PIK3CD: variants seen among roughly 807,000 people sequenced by gnomAD.
PIK3CD encodes phosphatidylinositol-4,5-bisphosphate 3-kinase catalytic subunit delta.
In PIK3CD, 20 loss-of-function variants were observed where a neutral mutation model predicts 122.9. The ratio of observed to expected loss-of-function variants is 0.16; its 90% CI spans 0.11 to 0.24. The LOEUF is 0.24. Among genes scored for constraint, PIK3CD ranks in the 10% least tolerant of loss-of-function variants. PIK3CD has a pLI of 1.00. For missense variants in PIK3CD, 787 were observed against 1,406.3 expected (o/e 0.56, Z 7.04); for synonymous variants, 596 against 593.4 (o/e 1.00, Z -0.06).
chr1:9,716,915 G>T, intron 6 of PIK3CD, 44 bp from the exon 7 acceptor site: 1 of 1,613,014 alleles, frequency 6.2e-7, no homozygotes, highest in Non-Finnish European at 8.5e-7. Context: ...CCAGGGAGTG[G>T]TTGGGGCCGC....
intron 2 of PIK3CD, among the ~76,000 whole-genome samples, chr1:9,692,468 T>G (rs1386550436): frequency 3.9e-5 from 6 of 152,220 alleles, no homozygotes; most frequent in Admixed American, 3.3e-4. Flanking sequence ...GGCTCATGCC[T>G]GTAATCCTAG....
At chr1:9,667,720 A>T (rs1389543142) in intron 1 of PIK3CD, among the ~76,000 whole-genome samples, 1 of 150,208 alleles carries the variant, frequency 6.7e-6, no homozygotes, top group Non-Finnish European at 1.5e-5. Context: ...TATTTAAAAC[A>T]TATCTTTCTT....
In PIK3CD at chr1:9,689,786, G is replaced by C. The variant is rs1192253856; in HGVS notation, c.-137-1681G>C. Among the ~76,000 whole-genome samples, 1 of 151,606 alleles carries C rather than the reference G, an allele frequency of 6.6e-6. No homozygotes were observed. The highest frequency in any genetic ancestry group is 1.5e-5 in the Non-Finnish European group (1 of 67,780). ...TGCCCCGCCCCCAGCCCCGCCGGGC[G>C]TCCCACCCCGCCCAGCCCCGGGCTT... is the stretch of plus-strand genomic sequence containing the variant. On this transcript the variant is annotated intron_variant, in intron 1 of 23. Transcript: ENST00000377346. The surrounding 1 kb of genome is among the most constrained non-coding windows in gnomAD (Gnocchi z 6.1).
upstream of PIK3CD, among the ~76,000 whole-genome samples, chr1:9,648,584 T>G (rs2100651095): frequency 6.6e-6 from 1 of 152,360 alleles, no homozygotes; most frequent in Non-Finnish European, 1.5e-5. Flanking sequence ...GTCTTCTGGC[T>G]CTTGGCATCC....
In PIK3CD at chr1:9,724,831, C is replaced by T. The variant is rs770059791; in HGVS notation, c.2892C>T (p.Tyr964=). 4.3e-6 allele frequency: 7 copies of T among 1,613,584 alleles called. No homozygotes were observed. In the South Asian group the frequency reaches 4.4e-5, roughly 10 times the overall value. The stretch of plus-strand genomic sequence containing the variant: ...TCCGGGGCTACTGTGAAAGGGCCTA[C>T]ACCATCCTGCGGCGCCACGGGCTTC... ...ERFRGYCERA[Y]TILRRHGLLF... is the part of the protein sequence containing the mutation. The change falls in exon 23 of 24, where the codon TAC becomes TAT. Residue 964 remains tyrosine, a synonymous_variant. Transcript: ENST00000377346. The surrounding 1 kb of genome is among the most constrained non-coding windows in gnomAD (Gnocchi z 7.3).
Position 9,729,021 on chromosome 1 carries a change from T to A in PIK3CD, c.*1975T>A, listed in dbSNP as rs1479661531. On this transcript the variant is annotated 3_prime_UTR_variant, in exon 24 of 24. Coordinates refer to ENST00000377346, the MANE Select transcript of PIK3CD (RefSeq NM_005026.5). ...GAGAGAAGACAAACCCCGCTCCGGCTGGAGTTAGTTAGAACCAGAACTTTA... is the reference window on the plus strand; with the variant it reads ...GAGAGAAGACAAACCCCGCTCCGGCAGGAGTTAGTTAGAACCAGAACTTTA... 1 of 152,220 alleles carries A rather than the reference T, an allele frequency of 6.6e-6. No homozygotes were observed. Among genetic ancestry groups the A allele is most frequent in the Non-Finnish European group, 1.5e-5 (1 of 68,042 alleles). The allele number at this position is 152,220 out of a possible 1,614,324, so 9.4% of individuals were successfully genotyped here. A position where few individuals can be genotyped will look rare whatever the true frequency, so the allele number is the denominator to read the frequency against.
Position 9,718,299 on chromosome 1 carries a change from G to A in PIK3CD, c.1021-395G>A, listed in dbSNP as rs143336866. 1.3e-4 allele frequency: 59 copies of A among 458,866 alleles called. 1 individual carries two copies. In the East Asian group the frequency reaches 2.4e-3, roughly 19 times the overall value. The allele number at this position is 458,866 out of a possible 1,614,324, so 28.4% of individuals were successfully genotyped here. ...GTGTCAGGTGGAATTGGAAGGGGCCGGACATCAGGTGGCAGGAAAAGTCCT... is the reference window on the plus strand; with the variant it reads ...GTGTCAGGTGGAATTGGAAGGGGCCAGACATCAGGTGGCAGGAAAAGTCCT... On this transcript the variant is annotated intron_variant, in intron 8 of 23. Coordinates refer to ENST00000377346, the MANE Select transcript of PIK3CD (RefSeq NM_005026.5). The surrounding 1 kb of genome is among the most constrained non-coding windows in gnomAD (Gnocchi z 7.2).
At chr1:9,667,492 T>C (rs2100930553) in intron 1 of PIK3CD, among the ~76,000 whole-genome samples, 1 of 151,938 alleles carries the variant, frequency 6.6e-6, no homozygotes, top group South Asian at 2.1e-4. Context: ...TTCTCCTGCC[T>C]CAGCCTCCCA....
rs1647254955 is a variant in PIK3CD at position 9,715,349 on chromosome 1, C to G, written c.142-192C>G. Among the ~76,000 whole-genome samples the G allele has an allele frequency of 1.3e-5, 2 of 152,180 alleles. No individual in the cohort carries two copies. Among genetic ancestry groups the G allele is most frequent in the African/African-American group, 4.8e-5 (2 of 41,440 alleles). On this transcript the variant is annotated intron_variant, in intron 3 of 23. Coordinates refer to ENST00000377346, the MANE Select transcript of PIK3CD (RefSeq NM_005026.5). The surrounding 1 kb of genome is among the most constrained non-coding windows in gnomAD (Gnocchi z 4.1). ...CCTCCCAGGTGCCCCCACAGAAGGG[C>G]ATCAGTGGAGAAGCCTGTCCACCCA...
intron 2 of PIK3CD, among the ~76,000 whole-genome samples, chr1:9,707,021 C>T (rs1646860274): frequency 6.6e-6 from 1 of 151,118 alleles, no homozygotes; most frequent in South Asian, 2.1e-4. Context: ...CTATGTTGCC[C>T]AGGCTGGTCT....
chr1:9,714,335 T>C (rs1025494889), intron 3 of PIK3CD, among the ~76,000 whole-genome samples: 1 of 152,180 alleles, frequency 6.6e-6, no homozygotes, highest in African/African-American at 2.4e-5. Context: ...CTCTGTTATC[T>C]GTTGCGATGA....
At chr1:9,691,845 C>T (rs1646207767) in intron 2 of PIK3CD, 1 of 307,970 alleles carries the variant, frequency 3.2e-6, no homozygotes, top group Non-Finnish European at 5.9e-6. Context: ...GTCCTGGAGC[C>T]CATTACTAAG....
intron 2 of PIK3CD, among the ~76,000 whole-genome samples, chr1:9,709,772 C>T (rs1422626373): frequency 1.3e-5 from 2 of 152,010 alleles, no homozygotes; most frequent in African/African-American, 2.4e-5. Context: ...TTTGGGAGGC[C>T]GAGGTGGGCG....
intron 1 of PIK3CD, among the ~76,000 whole-genome samples, chr1:9,678,354 G>T (rs1027408869): frequency 1.3e-5 from 2 of 152,042 alleles, no homozygotes; most frequent in African/African-American, 4.8e-5. Context: ...TGCTCGAGAG[G>T]CTGAGGCGGG....
rs1646097147 is a variant in PIK3CD at position 9,689,338 on chromosome 1, G to A, written c.-137-2129G>A. ...TCCTGGGCCTCCGGGCGAGAACAGC[G>A]GGGGTCGGGGAGGATTTGCAGCGTC... On this transcript the variant is annotated intron_variant, in intron 1 of 23. Transcript: ENST00000377346. This position sits in a 1 kb window ranked among gnomAD's most constrained non-coding sequence, Gnocchi z 6.1. Among the ~76,000 whole-genome samples the A allele has an allele frequency of 6.6e-6, 1 of 151,970 alleles. No homozygotes were observed. Among genetic ancestry groups the A allele is most frequent in the Admixed American group, 6.5e-5 (1 of 15,282 alleles).
rs549009947 is a variant in PIK3CD, at chr1:9,652,446, C to G, written c.-138+644C>G. ...CGGCTCGTGGACCCGCGCCCCGCCT[C>G]CCAGTCCCGGGCCTCCCGCGTTGCT... On this transcript the variant is annotated intron_variant, in intron 1 of 23. Coordinates refer to ENST00000377346, the MANE Select transcript of PIK3CD (RefSeq NM_005026.5). This position sits in a 1 kb window ranked among gnomAD's most constrained non-coding sequence, Gnocchi z 6.2. Among the ~76,000 whole-genome samples, 92 of 152,340 alleles carry G rather than the reference C, an allele frequency of 6.0e-4. No individual in the cohort carries two copies. The highest frequency in any genetic ancestry group is 2.0e-3 in the African/African-American group (82 of 41,588).
Position 9,716,051 on chromosome 1 carries a change from G to A in PIK3CD, c.573G>A (p.Leu191=), listed in dbSNP as rs1463525588. Reference sequence around the variant, plus strand: ...TGCGGCTCCCGAACCGGGCCCTTCTGGTCAACGTTAAGTTTGAGGGCAGCG... The same window carrying A: ...TGCGGCTCCCGAACCGGGCCCTTCTAGTCAACGTTAAGTTTGAGGGCAGCG... The part of the protein sequence containing the change: ...GTLRLPNRAL[L]VNVKFEGSEE... Residue 191 remains leucine, a synonymous_variant, in exon 5 of 24, where the codon CTG becomes CTA. Transcript: ENST00000377346. The A allele has an allele frequency of 1.9e-6, 3 of 1,612,442 alleles. No individual in the cohort carries two copies. Among genetic ancestry groups the A allele is most frequent in the Non-Finnish European group, 2.5e-6 (3 of 1,179,924 alleles).
chr1:9,646,915 A>T (rs145998201), upstream of PIK3CD, among the ~76,000 whole-genome samples: 558 of 149,954 alleles, frequency 3.7e-3, 2 homozygotes, highest in African/African-American at 0.013. Context: ...AGATCGCACC[A>T]CTGCACCCCA....
At chr1:9,638,253 C>G in the PIK3CD span, among the ~76,000 whole-genome samples, 2 of 152,176 alleles carry the variant, frequency 1.3e-5, no homozygotes, top group Admixed American at 1.3e-4. Flanking sequence ...AAAAGAGACT[C>G]ACAGGCAACC....
Sources: gnomAD v4.1 joint callset for allele counts (sites outside exome capture counted in the v4.1 genomes callset) on GRCh38, gnomAD v4.1.1 for gene constraint, Gnocchi (gnomAD v3.1) non-coding constraint, MANE v1.5 for transcripts, NCBI Gene and HGNC (gene_info 2026-07-23, HGNC 2026-07-21) for gene names.